ADAM12: variants seen among roughly 807,000 people sequenced by gnomAD.
ADAM12 encodes ADAM metallopeptidase domain 12.
ADAM12 carries 70 observed loss-of-function variants against 106.4 expected under a neutral mutation model. That is an observed-to-expected ratio of 0.66 (90% CI 0.54 to 0.80). ADAM12 has a LOEUF of 0.80. ADAM12 is among the 30% of genes least tolerant of loss of function. ADAM12 has a pLI of 0.00. For synonymous variants in ADAM12, 420 were observed against 433.5 expected (o/e 0.97, Z 0.39); for missense variants, 1,010 against 1,171.9 (o/e 0.86, Z 2.02).
intron 2 of ADAM12, among the ~76,000 whole-genome samples, chr10:126,283,846 C>G (rs143688577): frequency 6.6e-6 from 1 of 152,234 alleles, no homozygotes; most frequent in African/African-American, 2.4e-5. Flanking sequence ...AGTCTTTGTG[C>G]CTTATTTGAG....
At chr10:126,301,135 C>T (rs1960603853) in intron 2 of ADAM12, among the ~76,000 whole-genome samples, 1 of 152,126 alleles carries the variant, frequency 6.6e-6, no homozygotes, top group Admixed American at 6.5e-5. Context: ...GTACAATGCA[C>T]AGGACAGTAC....
chr10:126,295,160 C>T (rs927709437), intron 2 of ADAM12, among the ~76,000 whole-genome samples: 12 of 152,050 alleles, frequency 7.9e-5, no homozygotes, highest in African/African-American at 2.9e-4. Context: ...ATAGCTTCCT[C>T]TCCCTCTCCC....
chr10:126,092,754 G>A (rs1464252228), intron 11 of ADAM12, among the ~76,000 whole-genome samples: 1 of 152,154 alleles, frequency 6.6e-6, no homozygotes, highest in African/African-American at 2.4e-5. Flanking sequence ...AAATGGGGGC[G>A]ATGAACATGA....
chr10:126,036,775 G>A (rs907555826), intron 20 of ADAM12, among the ~76,000 whole-genome samples: 2 of 152,204 alleles, frequency 1.3e-5, no homozygotes, highest in Non-Finnish European at 1.5e-5. Flanking sequence ...TGAGGTTGGG[G>A]CTTGGAGTTG....
intron 3 of ADAM12, among the ~76,000 whole-genome samples, chr10:126,181,319 C>T (rs993217698): frequency 2.0e-5 from 3 of 152,130 alleles, no homozygotes; most frequent in Non-Finnish European, 2.9e-5. Flanking sequence ...TGATCCAACA[C>T]CCTCGGTTTT....
intron 3 of ADAM12, among the ~76,000 whole-genome samples, chr10:126,195,822 G>T (rs191850731): frequency 1.3e-3 from 190 of 150,794 alleles, no homozygotes; most frequent in African/African-American, 4.5e-3. Context: ...ATAAACTTGG[G>T]AACTGATATC....
intron 11 of ADAM12, 137 bp from the exon 12 acceptor site, chr10:126,071,791 C>G (rs73376510): frequency 5.6e-6 from 5 of 887,294 alleles, no homozygotes; most frequent in African/African-American, 1.7e-5. Context: ...CAATGCATAT[C>G]AAAAAACTCA....
chr10:126,082,372 T>G (rs1955240660), intron 11 of ADAM12, among the ~76,000 whole-genome samples: 1 of 143,306 alleles, frequency 7.0e-6, no homozygotes, highest in Middle Eastern at 3.5e-3. Context: ...TGTTTTTTTT[T>G]TTTTTTTTTT....
chr10:126,240,840 C>T (rs1958508234), intron 3 of ADAM12, among the ~76,000 whole-genome samples: 1 of 152,238 alleles, frequency 6.6e-6, no homozygotes, highest in African/African-American at 2.4e-5. Context: ...GAGAACAACA[C>T]AGAGCCCCCC....
chr10:126,105,287 C>T (rs1453547644), intron 8 of ADAM12, among the ~76,000 whole-genome samples: 2 of 152,216 alleles, frequency 1.3e-5, no homozygotes, highest in Admixed American at 6.5e-5. Context: ...GAAATACAAA[C>T]ACAGAGGACC....
At chr10:126,296,382 C>T (rs988710747) in intron 2 of ADAM12, among the ~76,000 whole-genome samples, 9 of 152,172 alleles carry the variant, frequency 5.9e-5, no homozygotes, top group Non-Finnish European at 1.5e-5. Flanking sequence ...CGATCCTCCC[C>T]ATTCAGCCTC....
Position 126,206,854 on chromosome 10 carries a change from T to TC in ADAM12, c.261-51550_261-51549insG, listed in dbSNP as rs1554986868. Among the ~76,000 whole-genome samples, 5 of 81,848 alleles carry TC rather than the reference T, an allele frequency of 6.1e-5. No individual in the cohort carries two copies. The South Asian group carries it at 2.2e-3, about 37-fold the overall frequency. 53.7% of individuals were successfully genotyped at this position (81,848 alleles called of 152,430 possible). A position where few individuals can be genotyped will look rare whatever the true frequency, so the allele number is the denominator to read the frequency against. On this transcript the variant is annotated intron_variant, in intron 3 of 22. Transcript: ENST00000448723. The stretch of plus-strand genomic sequence containing the variant: ...TAGCTCCCTGAATTCCCATGTGTTG[T>TC]GGGGGCGGGGGGGAGCCAGTGGGAG...
At chr10:126,329,973 A>C (rs1252797971) in intron 2 of ADAM12, among the ~76,000 whole-genome samples, 1 of 152,230 alleles carries the variant, frequency 6.6e-6, no homozygotes, top group Non-Finnish European at 1.5e-5. Context: ...AAAAGGCTCA[A>C]ATCAAACATG....
intron 3 of ADAM12, among the ~76,000 whole-genome samples, chr10:126,193,152 C>G (rs899105395): frequency 6.7e-6 from 1 of 149,026 alleles, no homozygotes; most frequent in African/African-American, 2.5e-5. Flanking sequence ...GTGGTCTTGG[C>G]TATTCAGGAG....
chr10:126,179,549 C>T lies in ADAM12; in HGVS notation c.261-24244G>A, dbSNP rs115527550. The stretch of plus-strand genomic sequence containing the variant: ...AAAAATGGGTCATACCTTTTGGATG[C>T]TAAAAAATGTTACTCAGCCACAGGT... On this transcript the variant is annotated intron_variant, in intron 3 of 22. Transcript: ENST00000448723. Among the ~76,000 whole-genome samples the T allele has an allele frequency of 7.4e-3, 1,126 of 152,272 alleles. 14 individuals are homozygous for T. The highest frequency in any genetic ancestry group is 0.026 in the African/African-American group (1,075 of 41,534).
intron 6 of ADAM12, among the ~76,000 whole-genome samples, chr10:126,115,171 C>A (rs1349460053): frequency 1.3e-5 from 2 of 152,190 alleles, no homozygotes; most frequent in African/African-American, 4.8e-5. Flanking sequence ...CTATTTGACT[C>A]ATAATTATCC....
At chr10:126,289,302 G>T (rs1257858950) in intron 2 of ADAM12, among the ~76,000 whole-genome samples, 1 of 152,266 alleles carries the variant, frequency 6.6e-6, no homozygotes, top group East Asian at 1.9e-4. Context: ...GCACCTGGCT[G>T]CCTGCTGAGG....
chr10:126,242,590 A>G (rs1214806092), intron 3 of ADAM12, among the ~76,000 whole-genome samples: 1 of 152,222 alleles, frequency 6.6e-6, no homozygotes, highest in Non-Finnish European at 1.5e-5. Context: ...TGGCCCGTCC[A>G]CAGTGGGTCC....
intron 3 of ADAM12, among the ~76,000 whole-genome samples, chr10:126,252,341 T>C (rs1189455228): frequency 6.6e-6 from 1 of 152,086 alleles, no homozygotes; most frequent in Non-Finnish European, 1.5e-5. Flanking sequence ...ATTATGGGAA[T>C]TGGCTCATGC....
Sources: gnomAD v4.1 joint callset for allele counts (sites outside exome capture counted in the v4.1 genomes callset) on GRCh38, gnomAD v4.1.1 for gene constraint, MANE v1.5 for transcripts, NCBI Gene and HGNC (gene_info 2026-07-23, HGNC 2026-07-21) for gene names.